EYS: variants seen among roughly 807,000 people sequenced by gnomAD.
EYS encodes the protein protein eyes shut homolog.
EYS carries 250 observed loss-of-function variants against 282.1 expected under a neutral mutation model. The ratio of observed to expected loss-of-function variants is 0.89; its 90% CI spans 0.80 to 0.98. The LOEUF (loss-of-function observed/expected upper bound fraction) is 0.98. Among genes scored for constraint, EYS ranks in the 50% least tolerant of loss-of-function variants. EYS has a pLI of 0.00. For synonymous variants in EYS, 1,355 were observed against 1,282.9 expected (o/e 1.06, Z -1.20); for missense variants, 4,016 against 3,709.0 (o/e 1.08, Z -2.15).
At chr6:65,637,237 T>C (rs1363126612) in intron 2 of EYS, among the ~76,000 whole-genome samples, 1 of 152,222 alleles carries the variant, frequency 6.6e-6, no homozygotes, top group East Asian at 1.9e-4. Flanking sequence ...AAGTTTCTGG[T>C]GAATAATTTA....
At chr6:64,401,011 A>G (rs1418149470) in intron 28 of EYS, among the ~76,000 whole-genome samples, 1 of 152,074 alleles carries the variant, frequency 6.6e-6, no homozygotes, top group Non-Finnish European at 1.5e-5. Context: ...GGAAAGGTCA[A>G]GTAACTGCTG....
intron 6 of EYS, 24 bp downstream of exon 6, chr6:65,405,150 C>T (rs1582248710): frequency 6.3e-7 from 1 of 1,577,452 alleles, no homozygotes; most frequent in Non-Finnish European, 8.7e-7. Context: ...AAACCACTCA[C>T]TTATATGTTA....
rs150033316 is a variant in EYS at position 65,493,040 on chromosome 6, C to A, written c.748+1623G>T. ...AAGGGATTCTTCCGCCTCAGCCTCC[C>A]GAGTAGCTGGGATTACAGGCACCCG... On this transcript the variant is annotated intron_variant, in intron 4 of 42. Transcript: ENST00000503581. Among the ~76,000 whole-genome samples the A allele has an allele frequency of 3.0e-3, 450 of 152,180 alleles. 7 individuals are homozygous for A. The highest frequency in any genetic ancestry group is 0.022 in the Admixed American group (337 of 15,278).
chr6:64,819,301 G>C (rs1764831413), intron 21 of EYS, among the ~76,000 whole-genome samples: 1 of 152,004 alleles, frequency 6.6e-6, no homozygotes, highest in Non-Finnish European at 1.5e-5. Flanking sequence ...CAGAATGAAT[G>C]AGCAAAATTA....
At chr6:65,642,030 A>G (rs1020620158) in intron 1 of EYS, among the ~76,000 whole-genome samples, 1 of 152,132 alleles carries the variant, frequency 6.6e-6, no homozygotes, top group African/African-American at 2.4e-5. Flanking sequence ...ACTAGATTGT[A>G]AAGTCCTTAT....
At chr6:64,689,752 G>A (rs1770301919) in intron 22 of EYS, among the ~76,000 whole-genome samples, 1 of 152,294 alleles carries the variant, frequency 6.6e-6, no homozygotes, top group East Asian at 1.9e-4. Flanking sequence ...AATAAATGGT[G>A]CTGGGAAAAC....
At chr6:65,554,193 A>T (rs543621654) in intron 2 of EYS, among the ~76,000 whole-genome samples, 1 of 152,322 alleles carries the variant, frequency 6.6e-6, no homozygotes, top group East Asian at 1.9e-4. Flanking sequence ...TTTGTTGTTT[A>T]TAAGCCATCC....
At chr6:64,276,953 G>A (rs748595965) in intron 30 of EYS, among the ~76,000 whole-genome samples, 1 of 152,070 alleles carries the variant, frequency 6.6e-6, no homozygotes, top group Non-Finnish European at 1.5e-5. Context: ...AAAATTTAGT[G>A]CTCATGAAAA....
At chr6:65,324,508 C>T (rs1334210435) in intron 11 of EYS, among the ~76,000 whole-genome samples, 5 of 152,182 alleles carry the variant, frequency 3.3e-5, no homozygotes, top group Admixed American at 2.0e-4. Context: ...TTCCTTGCAA[C>T]CCTCTTCGCT....
intron 13 of EYS, among the ~76,000 whole-genome samples, chr6:65,033,518 T>A (rs1772669962): frequency 6.6e-6 from 1 of 152,112 alleles, no homozygotes; most frequent in Non-Finnish European, 1.5e-5. Flanking sequence ...CCTCTCTAGC[T>A]TCATCTGTGG....
intron 2 of EYS, among the ~76,000 whole-genome samples, chr6:65,622,112 A>T (rs999359442): frequency 7.3e-4 from 111 of 152,346 alleles, no homozygotes; most frequent in Admixed American, 3.1e-3. Flanking sequence ...ATCTAAATGG[A>T]GACCAGAATG....
At chr6:65,305,870 G>GA (rs1003785081) in intron 11 of EYS, among the ~76,000 whole-genome samples, 3 of 152,072 alleles carry the variant, frequency 2.0e-5, no homozygotes, top group African/African-American at 7.2e-5. Context: ...CCACCTGAGG[G>GA]AAAAAATGAG....
intron 22 of EYS, among the ~76,000 whole-genome samples, chr6:64,761,761 T>C (rs1318845242): frequency 6.6e-6 from 1 of 152,144 alleles, no homozygotes; most frequent in Non-Finnish European, 1.5e-5. Flanking sequence ...GGCTGATTAG[T>C]ATTAAATTCT....
Position 63,720,983 on chromosome 6 carries a change from C to T in EYS, c.9048G>A (p.Gln3016=), listed in dbSNP as rs1174889920. ...NDFLAIGLHN[Q]TLKIAVNLGE... is the part of the protein sequence containing the mutation. ...CCAAGTTAACTGCTATTTTCAAGGTCTGATTATGGAGACCAATTGCCAGAA... is the reference window on the plus strand; with the variant it reads ...CCAAGTTAACTGCTATTTTCAAGGTTTGATTATGGAGACCAATTGCCAGAA... Residue 3016 remains glutamine (Q), a synonymous_variant, in exon 43 of 43, where the codon CAG becomes CAA. Coordinates refer to ENST00000503581, the MANE Select transcript of EYS (RefSeq NM_001142800.2). 1.3e-6 allele frequency: 2 copies of T among 1,551,238 alleles called. No individual in the cohort carries two copies. The highest frequency in any genetic ancestry group is 1.4e-5 in the African/African-American group (1 of 73,016).
chr6:65,628,106 G>A (rs2149806271), intron 2 of EYS, among the ~76,000 whole-genome samples: 1 of 152,072 alleles, frequency 6.6e-6, no homozygotes, highest in East Asian at 1.9e-4. Context: ...GAGTGCACCA[G>A]TGGACACTCT....
At chr6:64,184,233 T>G (rs760084685) in intron 31 of EYS, among the ~76,000 whole-genome samples, 41 of 152,150 alleles carry the variant, frequency 2.7e-4, no homozygotes, top group Admixed American at 8.5e-4. Flanking sequence ...CTCGTCTGTG[T>G]TTCTCACCAG....
chr6:64,005,607 A>G (rs1194754773), intron 33 of EYS, among the ~76,000 whole-genome samples: 1 of 152,134 alleles, frequency 6.6e-6, no homozygotes, highest in African/African-American at 2.4e-5. Context: ...TTTGGGTTTT[A>G]CATTTAAGTC....
At chr6:65,237,164 C>G (rs140197073) in intron 12 of EYS, among the ~76,000 whole-genome samples, 11 of 152,040 alleles carry the variant, frequency 7.2e-5, no homozygotes, top group Non-Finnish European at 1.5e-4. Context: ...TATGCCTTTA[C>G]GCGAATAAAC....
At chr6:64,581,409 G>T (rs535924853) in intron 26 of EYS, among the ~76,000 whole-genome samples, 141 of 152,078 alleles carry the variant, frequency 9.3e-4, no homozygotes, top group South Asian at 1.9e-3. Context: ...TAGAGAAAAT[G>T]TACCGTTACA....
Sources: allele counts gnomAD v4.1 joint callset (sites outside exome capture counted in the v4.1 genomes callset), GRCh38; gene constraint gnomAD v4.1.1; transcripts MANE v1.5; gene names NCBI Gene and HGNC (gene_info 2026-07-23, HGNC 2026-07-21).